The following BNC2 variants were observed in gnomAD, a reference collection of about 807,000 sequenced individuals.
BNC2 encodes the protein basonuclin zinc finger protein 2, also known as zinc finger protein basonuclin-2.
Under a neutral mutation model 76.3 loss-of-function variants are expected in BNC2, and 20 were observed. The observed-to-expected ratio is 0.26, with a 90% CI of 0.18 to 0.38. The LOEUF is 0.38. Among genes scored for constraint, BNC2 ranks in the 10% least tolerant of loss-of-function variants. BNC2 has a pLI of 1.00. For missense variants in BNC2, 1,382 were observed against 1,399.8 expected, an observed-to-expected ratio of 0.99 and a Z score of 0.20; for synonymous variants, 582 against 514.8, an observed-to-expected ratio of 1.13 and a Z score of -1.77.
intron 1 of BNC2, among the ~76,000 whole-genome samples, chr9:16,751,121 A>T (rs1055377030): frequency 1.3e-5 from 2 of 152,210 alleles, no homozygotes; most frequent in African/African-American, 4.8e-5. Context: ...TATCATTTAA[A>T]AAGCTTTTCC....
intron 3 of BNC2, among the ~76,000 whole-genome samples, chr9:16,624,994 A>C (rs996000034): frequency 6.6e-6 from 1 of 152,238 alleles, no homozygotes; most frequent in African/African-American, 2.4e-5. Flanking sequence ...GCAGCTGGGA[A>C]GCCAATTGGT....
At chr9:16,461,576 A>C (rs951031638) in intron 5 of BNC2, among the ~76,000 whole-genome samples, 2 of 151,050 alleles carry the variant, frequency 1.3e-5, no homozygotes, top group African/African-American at 4.9e-5. Context: ...CCTGCATTCC[A>C]ATGATCCAGG....
chr9:16,669,186 G>T (rs1424547145), intron 3 of BNC2, among the ~76,000 whole-genome samples: 1 of 152,156 alleles, frequency 6.6e-6, no homozygotes, highest in African/African-American at 2.4e-5. Flanking sequence ...ATTGATTGGA[G>T]CCTGAGAATA....
chr9:16,555,709 T>G (rs1207523058), intron 4 of BNC2, among the ~76,000 whole-genome samples: 1 of 152,024 alleles, frequency 6.6e-6, no homozygotes, highest in Non-Finnish European at 1.5e-5. Flanking sequence ...GTAGGAGGAT[T>G]ATCTGAGCCC....
intron 3 of BNC2, among the ~76,000 whole-genome samples, chr9:16,630,833 G>A (rs999711057): frequency 5.4e-5 from 8 of 148,140 alleles, no homozygotes; most frequent in Middle Eastern, 3.6e-3. Context: ...TCCGCCTCCC[G>A]GGTTCAAGCG....
intron 5 of BNC2, among the ~76,000 whole-genome samples, chr9:16,511,574 T>TA (rs1370889294): frequency 6.6e-6 from 1 of 151,624 alleles, no homozygotes. Context: ...ACTATAGGTG[T>TA]AAGCCACCAT....
chr9:16,684,059 C>T (rs1278141138), intron 3 of BNC2, among the ~76,000 whole-genome samples: 1 of 152,126 alleles, frequency 6.6e-6, no homozygotes, highest in Non-Finnish European at 1.5e-5. Context: ...CATTTTCTCC[C>T]ATAGTATGTC....
At chr9:16,482,632 A>G (rs1179496323) in intron 5 of BNC2, among the ~76,000 whole-genome samples, 1 of 152,014 alleles carries the variant, frequency 6.6e-6, no homozygotes, top group Non-Finnish European at 1.5e-5. Context: ...TTACTTTCCA[A>G]CCCCACAGCC....
chr9:16,696,355 T>C (rs1823337480), intron 3 of BNC2, among the ~76,000 whole-genome samples: 1 of 152,238 alleles, frequency 6.6e-6, no homozygotes, highest in South Asian at 2.1e-4. Flanking sequence ...TTTATGTCTC[T>C]TGCATACTGA....
At chr9:16,433,968 G>A (rs977696150) in intron 6 of BNC2, among the ~76,000 whole-genome samples, 4 of 152,276 alleles carry the variant, frequency 2.6e-5, no homozygotes, top group Non-Finnish European at 4.4e-5. Flanking sequence ...ACAACTTGGA[G>A]GAGGTTGGGT....
intron 3 of BNC2, among the ~76,000 whole-genome samples, chr9:16,654,301 G>C (rs1279578262): frequency 1.3e-5 from 2 of 152,042 alleles, no homozygotes; most frequent in East Asian, 1.9e-4. Flanking sequence ...ATTCTAACTA[G>C]AGTTCAGGGC....
chr9:16,436,193 G>A lies in BNC2; in HGVS notation c.2001C>T (p.Val667=). 2 of 1,614,108 alleles carry A rather than the reference G, an allele frequency of 1.2e-6. No homozygotes were observed. Among genetic ancestry groups the A allele is most frequent in the South Asian group, 2.2e-5 (2 of 91,064 alleles). ...AATGATTGTCATGGCTCATGTCATT[G>A]ACCACAGCTCCACCATCATTGGGGT... ...DDDPNDGGAV[V]NDMSHDNHCH... Residue 667 remains valine, a synonymous_variant, in exon 6 of 7, where the codon GTC becomes GTT. Transcript: ENST00000380672.
intron 1 of BNC2, among the ~76,000 whole-genome samples, chr9:16,850,416 G>C (rs145349380): frequency 1.2e-3 from 186 of 152,320 alleles, no homozygotes; most frequent in African/African-American, 4.4e-3. Flanking sequence ...TCCATAACTA[G>C]TGGGAGGAAA....
chr9:16,750,068 G>C (rs1230876234), intron 1 of BNC2, among the ~76,000 whole-genome samples: 1 of 152,150 alleles, frequency 6.6e-6, no homozygotes, highest in East Asian at 1.9e-4. Flanking sequence ...CCATCACAGA[G>C]CATGAGGACC....
chr9:16,459,954 T>A (rs1303733267), intron 5 of BNC2, among the ~76,000 whole-genome samples: 1 of 152,194 alleles, frequency 6.6e-6, no homozygotes, highest in East Asian at 1.9e-4. Flanking sequence ...AATATTTCCA[T>A]CTTATTACCT....
chr9:16,656,721 T>A (rs1450747636), intron 3 of BNC2, among the ~76,000 whole-genome samples: 1 of 152,148 alleles, frequency 6.6e-6, no homozygotes, highest in Non-Finnish European at 1.5e-5. Context: ...CTTAACAAAT[T>A]TCTAGATGCA....
chr9:16,629,269 T>C (rs1344333693), intron 3 of BNC2, among the ~76,000 whole-genome samples: 1 of 152,188 alleles, frequency 6.6e-6, no homozygotes, highest in Non-Finnish European at 1.5e-5. Flanking sequence ...TAACATCACA[T>C]CTTTTTATTT....
chr9:16,462,460 C>A (rs1376356525), intron 5 of BNC2, among the ~76,000 whole-genome samples: 1 of 152,052 alleles, frequency 6.6e-6, no homozygotes, highest in Non-Finnish European at 1.5e-5. Context: ...AAAGTGGAAA[C>A]CAAAACCAAA....
chr9:16,418,899 A>ACACACACACC lies in BNC2; in HGVS notation c.*89_*90insGGTGTGTGTG, dbSNP rs113777392. The ACACACACACC allele has an allele frequency of 6.6e-5, 92 of 1,401,336 alleles. No individual in the cohort carries two copies. The highest frequency in any genetic ancestry group is 1.8e-4 in the Middle Eastern group (1 of 5,444). 86.8% of individuals were successfully genotyped at this position (1,401,336 alleles called of 1,614,324 possible). ...CACACACACACACACACACACACAC[A>ACACACACACC]CCCCAAGTACATAAGCGCACACTGA... On this transcript the variant is annotated 3_prime_UTR_variant, in exon 7 of 7. Transcript: ENST00000380672.
Sources: gnomAD v4.1 joint callset for allele counts (sites outside exome capture counted in the v4.1 genomes callset) on GRCh38, gnomAD v4.1.1 for gene constraint, MANE v1.5 for transcripts, NCBI Gene and HGNC (gene_info 2026-07-23, HGNC 2026-07-21) for gene names.